Variants in CA6 observed in about 807,000 individuals in gnomAD.
CA6 encodes carbonate dehydratase VI.
Under a neutral mutation model 35.9 loss-of-function variants are expected in CA6, and 28 were observed. That is an observed-to-expected ratio of 0.78 (90% CI 0.58 to 1.07). The LOEUF (loss-of-function observed/expected upper bound fraction) is 1.07, where lower values mean the gene tolerates loss of function less well. Ranked by LOEUF, CA6 falls within the 50% of genes least tolerant of loss-of-function variation. The probability of loss-of-function intolerance (pLI) is 0.00; values close to 1 mark genes in which losing one functional copy is unlikely to be tolerated. For synonymous variants in CA6, 148 were observed against 152.6 expected (o/e 0.97, Z 0.22); for missense variants, 377 against 382.0 (o/e 0.99, Z 0.11).
intron 7 of CA6, among the ~76,000 whole-genome samples, chr1:8,973,802 TC>T (rs1557635980): frequency 2.9e-5 from 4 of 136,796 alleles, no homozygotes; most frequent in African/African-American, 1.1e-4. Flanking sequence ...TCCCTCCCTC[TC>T]TCTCTCTCTC....
chr1:8,953,915 G>C (rs1237338479), intron 2 of CA6, among the ~76,000 whole-genome samples: 2 of 152,152 alleles, frequency 1.3e-5, no homozygotes, highest in African/African-American at 4.8e-5. Flanking sequence ...AAAGAAGCCT[G>C]ACAAATCCTA....
intron 2 of CA6, among the ~76,000 whole-genome samples, chr1:8,950,436 G>A (rs1376844158): frequency 6.6e-6 from 1 of 152,154 alleles, no homozygotes; most frequent in Non-Finnish European, 1.5e-5. Context: ...CTCACCCAAG[G>A]CCACACACTG....
intron 2 of CA6, among the ~76,000 whole-genome samples, chr1:8,955,162 C>A (rs1483696334): frequency 6.6e-6 from 1 of 152,090 alleles, no homozygotes; most frequent in East Asian, 1.9e-4. Flanking sequence ...ATTGCTTGAG[C>A]CCAGGAGTTT....
At chr1:8,960,874 G>T (rs1364489489) in intron 4 of CA6, among the ~76,000 whole-genome samples, 2 of 151,304 alleles carry the variant, frequency 1.3e-5, no homozygotes, top group Non-Finnish European at 2.9e-5. Context: ...TGGCCCAAAA[G>T]CCTCAAATCT....
Position 8,957,272 on chromosome 1 carries a change from G to A in CA6, c.395G>A (p.Arg132Lys), listed in dbSNP as rs1191107538. ...SGSEHTVDGI[R>K]HVIEIHIVHY... Reference sequence around the variant, plus strand: ...TCTGAGCACACCGTGGACGGGATCAGACATGTGATCGAGGTACCTGAGGAC... The same window carrying A: ...TCTGAGCACACCGTGGACGGGATCAAACATGTGATCGAGGTACCTGAGGAC... Residue 132 changes from arginine (R) to lysine (K), a missense_variant, in exon 3 of 8, where the codon AGA becomes AAA. Arg to Lys is a conservative substitution (Grantham distance 26). Coordinates refer to ENST00000377443, the MANE Select transcript of CA6 (RefSeq NM_001215.4). 1.2e-6 allele frequency: 2 copies of A among 1,612,764 alleles called. No individual in the cohort carries two copies. The highest frequency in any genetic ancestry group is 1.7e-5 in the Admixed American group (1 of 59,764).
rs904377450 is a variant in CA6 at position 8,963,112 on chromosome 1, G to A, written c.571+456G>A. 6.6e-6 allele frequency among the ~76,000 whole-genome samples: 1 copy of A among 152,140 alleles called. No homozygotes were observed. The highest frequency in any genetic ancestry group is 2.4e-5 in the African/African-American group (1 of 41,432). On this transcript the variant is annotated intron_variant, in intron 5 of 7. Transcript: ENST00000377443. The surrounding 1 kb of genome is among the most constrained non-coding windows in gnomAD (Gnocchi z 4.1). ...TCCAGAGGGCGGCGTTCTTGTAAGA[G>A]CCATTTCCCACCCAGGGTCAACCCT...
intron 5 of CA6, among the ~76,000 whole-genome samples, chr1:8,964,237 T>TTCTC (rs1207556084): frequency 6.6e-6 from 1 of 151,648 alleles, no homozygotes; most frequent in Admixed American, 6.6e-5. Context: ...CATCGTTGAT[T>TTCTC]TCTCTCTCTC....
At position 8,960,708 on chromosome 1, in the gene CA6, C is replaced by G. The variant is rs546011785; in HGVS notation, c.501+1706C>G. ...AAAAAGACAGAAGAAAAATGAACAG[C>G]CTTGCAGACTCATGGGGACAAAATC... On this transcript the variant is annotated intron_variant, in intron 4 of 7. Coordinates refer to ENST00000377443, the MANE Select transcript of CA6 (RefSeq NM_001215.4). Among the ~76,000 whole-genome samples, 7 of 145,136 alleles carry G rather than the reference C, an allele frequency of 4.8e-5. No individual in the cohort carries two copies. In the South Asian group the frequency reaches 1.6e-3, roughly 32 times the overall value.
At chr1:8,967,533 A>G (rs1639999848) in intron 5 of CA6, 126 bp from the exon 6 acceptor site, 1 of 719,166 alleles carries the variant, frequency 1.4e-6, no homozygotes, top group Non-Finnish European at 2.3e-6. Context: ...ATTGTTTCTT[A>G]ATCATCAGCT....
At chr1:8,968,392 T>C (rs980313986) in intron 6 of CA6, among the ~76,000 whole-genome samples, 4 of 151,966 alleles carry the variant, frequency 2.6e-5, no homozygotes, top group African/African-American at 9.7e-5. Flanking sequence ...CAAAAGCAAA[T>C]GGTAAATTAT....
chr1:8,967,412 G>A (rs1639997203), intron 5 of CA6, among the ~76,000 whole-genome samples: 1 of 152,090 alleles, frequency 6.6e-6, no homozygotes. Flanking sequence ...TGAGAAAATG[G>A]CCGCAGGGTG....
chr1:8,974,949 TG>T lies in CA6; in HGVS notation c.*247del, dbSNP rs1640229916. 1 of 364,840 alleles carries T rather than the reference TG, an allele frequency of 2.7e-6. No individual in the cohort carries two copies. The highest frequency in any genetic ancestry group is 4.9e-6 in the Non-Finnish European group (1 of 205,314). 22.6% of individuals were successfully genotyped at this position (364,840 alleles called of 1,614,324 possible). ...TTAGACATCACCAGTGGAAATTGAT[TG>T]GAATAGAAACTTAAAGGAAATGGAA... On this transcript the variant is annotated 3_prime_UTR_variant, in exon 8 of 8. Coordinates refer to ENST00000377443, the MANE Select transcript of CA6 (RefSeq NM_001215.4).
chr1:8,973,021 T>G (rs1640149115), intron 7 of CA6, among the ~76,000 whole-genome samples: 1 of 152,166 alleles, frequency 6.6e-6, no homozygotes. Flanking sequence ...CTCATGGGTC[T>G]GTCTCCTAAT....
intron 1 of CA6, 65 bp downstream of exon 1, chr1:8,946,030 C>A: frequency 1.1e-6 from 1 of 941,548 alleles, no homozygotes; most frequent in Non-Finnish European, 1.6e-6. Context: ...GACAAGTGCC[C>A]TTCTTCTTCT....
chr1:8,956,145 C>T (rs1639675586), intron 2 of CA6, among the ~76,000 whole-genome samples: 1 of 150,838 alleles, frequency 6.6e-6, no homozygotes, highest in African/African-American at 2.4e-5. Context: ...ATTGCTTGAA[C>T]CCAGGAGGCG....
intron 5 of CA6, 31 bp downstream of exon 5, chr1:8,962,687 G>A: frequency 6.4e-7 from 1 of 1,572,888 alleles, no homozygotes; most frequent in Non-Finnish European, 8.8e-7. Flanking sequence ...CTGCAGGAGG[G>A]AAGGGGAATG....
At chr1:8,961,299 A>G (rs1192888970) in intron 4 of CA6, among the ~76,000 whole-genome samples, 3 of 152,226 alleles carry the variant, frequency 2.0e-5, no homozygotes, top group Non-Finnish European at 2.9e-5. Flanking sequence ...GACTACATAC[A>G]TATATTTTTT....
chr1:8,957,785 CAAAA>C (rs869085886), intron 3 of CA6, among the ~76,000 whole-genome samples: 9 of 79,306 alleles, frequency 1.1e-4, no homozygotes, highest in Admixed American at 2.8e-4. Flanking sequence ...CTTGTGTCTA[CAAAA>C]AAAAAAAAAA....
intron 5 of CA6, among the ~76,000 whole-genome samples, chr1:8,967,438 G>A (rs1230479086): frequency 6.6e-6 from 1 of 152,010 alleles, no homozygotes; most frequent in Non-Finnish European, 1.5e-5. Context: ...CCGGCCAAGA[G>A]CACTCAGCCA....
Sources: gnomAD v4.1 joint callset for allele counts (sites outside exome capture counted in the v4.1 genomes callset) on GRCh38, gnomAD v4.1.1 for gene constraint, Gnocchi (gnomAD v3.1) non-coding constraint, MANE v1.5 for transcripts, NCBI Gene and HGNC (gene_info 2026-07-23, HGNC 2026-07-21) for gene names.